NSUN2: variants seen among roughly 807,000 people sequenced by gnomAD.
NSUN2 encodes NOP2/Sun RNA methyltransferase 2.
NSUN2 carries 63 observed loss-of-function variants against 92.7 expected under a neutral mutation model. The ratio of observed to expected loss-of-function variants is 0.68; its 90% CI spans 0.56 to 0.84. The LOEUF (loss-of-function observed/expected upper bound fraction) is 0.84. NSUN2 is among the 40% of genes least tolerant of loss of function. NSUN2 has a pLI of 0.00. For synonymous variants in NSUN2, 356 were observed against 348.3 expected, an observed-to-expected ratio of 1.02 and a Z score of -0.25; for missense variants, 989 against 964.9, an observed-to-expected ratio of 1.02 and a Z score of -0.33.
rs1472338668 is a variant in NSUN2, at chr5:6,631,965, C to G, written c.267G>C (p.Glu89Asp). ...ATTTGTTCTTTAAGCAATGGAGAAT[C>G]TCTTTTGCGTGGCTATTGAAAAATA... ...RITGYKSHAK[E>D]ILHCLKNKYF... The change falls in exon 3 of 19, where the codon GAG becomes GAC. Residue 89 changes from glutamate (E) to aspartate (D), a missense_variant. By Grantham distance (45) the Glu-to-Asp change is conservative. Coordinates refer to ENST00000264670, the MANE Select transcript of NSUN2 (RefSeq NM_017755.6). The G allele has an allele frequency of 2.5e-6, 4 of 1,612,544 alleles. No individual in the cohort carries two copies. The highest frequency in any genetic ancestry group is 3.4e-6 in the Non-Finnish European group (4 of 1,179,174).
chr5:6,615,017 G>A (rs1737152079), intron 9 of NSUN2, among the ~76,000 whole-genome samples: 3 of 152,108 alleles, frequency 2.0e-5, no homozygotes, highest in Non-Finnish European at 2.9e-5. Context: ...AGACTTAGGA[G>A]AGTAGCAAAT....
At chr5:6,629,928 T>C (rs1737807548) in intron 3 of NSUN2, among the ~76,000 whole-genome samples, 1 of 152,216 alleles carries the variant, frequency 6.6e-6, no homozygotes, top group African/African-American at 2.4e-5. Flanking sequence ...TCCCCGGCGA[T>C]GTGGAAATGT....
chr5:6,623,131 G>GAAAAA (rs1221313256), intron 5 of NSUN2, 83 bp downstream of exon 5: 4 of 1,174,372 alleles, frequency 3.4e-6, no homozygotes, highest in Admixed American at 5.1e-5. Context: ...ATTATATTAA[G>GAAAAA]AAAAAATGGT....
At chr5:6,623,140 G>T (rs558791074) in intron 5 of NSUN2, 74 bp downstream of exon 5, 1 of 1,303,284 alleles carries the variant, frequency 7.7e-7, no homozygotes, top group East Asian at 2.4e-5. Context: ...AGAAAAAATG[G>T]TTTCATCAAA....
chr5:6,603,178 T>C (rs557223060), intron 17 of NSUN2, among the ~76,000 whole-genome samples: 2 of 152,200 alleles, frequency 1.3e-5, no homozygotes, highest in Non-Finnish European at 2.9e-5. Flanking sequence ...GAAAGAAAAT[T>C]AGAACAGCTT....
intron 11 of NSUN2, among the ~76,000 whole-genome samples, chr5:6,610,358 T>C (rs1736937399): frequency 6.6e-6 from 1 of 151,826 alleles, no homozygotes; most frequent in Admixed American, 6.6e-5. Flanking sequence ...GATTACAGGA[T>C]TGGGCCACTG....
At position 6,604,473 on chromosome 5, in the gene NSUN2, G is replaced by A. The variant is rs578063368; in HGVS notation, c.1818+132C>T. On this transcript the variant is annotated intron_variant, in intron 16 of 18. Coordinates refer to ENST00000264670, the MANE Select transcript of NSUN2 (RefSeq NM_017755.6). ...TCTGGGAGAGCTCTATAACCTGTGA[G>A]GGTCAAGTGGCTGGTAGGTGCCAGC... is the stretch of plus-strand genomic sequence containing the variant. The A allele has an allele frequency of 7.3e-6, 7 of 963,738 alleles. No individual in the cohort carries two copies. The South Asian group carries it at 8.6e-5, about 12-fold the overall frequency. The allele number at this position is 963,738 out of a possible 1,614,324, so 59.7% of individuals were successfully genotyped here.
intron 13 of NSUN2, 78 bp from the exon 14 acceptor site, chr5:6,606,990 T>G: frequency 9.9e-6 from 10 of 1,006,158 alleles, no homozygotes; most frequent in Non-Finnish European, 1.5e-5. Flanking sequence ...ATTCTTCCTT[T>G]CTGTCAGTTC....
chr5:6,608,857 ATACTT>A (rs1736881443), intron 12 of NSUN2, among the ~76,000 whole-genome samples: 1 of 152,242 alleles, frequency 6.6e-6, no homozygotes, highest in Non-Finnish European at 1.5e-5. Context: ...AAAGTATCTA[ATACTT>A]TACAATATAA....
At chr5:6,623,318 G>GTA in intron 4 of NSUN2, 33 bp from the exon 5 acceptor site, 22 of 1,385,648 alleles carry the variant, frequency 1.6e-5, no homozygotes, top group African/African-American at 5.8e-5. Flanking sequence ...GCAACAATTA[G>GTA]GAAAAAAAAA....
In NSUN2 at chr5:6,616,860, A is replaced by G. The variant is rs765461729; in HGVS notation, c.891-3T>C. 1.9e-4 allele frequency: 305 copies of G among 1,611,672 alleles called. No homozygotes were observed. The highest frequency in any genetic ancestry group is 2.5e-4 in the Non-Finnish European group (296 of 1,178,796). ...GTGTTGCAATCCGCAGCTGTAAGCT[A>G]AGGGGAGATATCAGATGACTGCAAG... On this transcript the variant is annotated splice_polypyrimidine_tract_variant and splice_region_variant and intron_variant, in intron 8 of 18. Transcript: ENST00000264670.
At chr5:6,607,418 G>A (rs756028721) in intron 12 of NSUN2, 34 bp from the exon 13 acceptor site, 40 of 1,572,710 alleles carry the variant, frequency 2.5e-5, no homozygotes, top group Non-Finnish European at 3.5e-5. Context: ...GACACACAAA[G>A]AGGAGCATTC....
Position 6,600,131 on chromosome 5 carries a change from C to T in NSUN2, c.2099G>A (p.Arg700Lys), listed in dbSNP as rs772282004. 2.5e-5 allele frequency: 41 copies of T among 1,614,068 alleles called. 2 individuals are homozygous for T. The South Asian group carries it at 4.5e-4, about 18-fold the overall frequency. ...VPKNERLHYL[R>K]MMGLEVLGEK... Reference sequence around the variant, plus strand: ...TCCCAATACCTCCAGCCCCATCATCCTGAGATAATGAAGCCGTTCATTCTT... The same window carrying T: ...TCCCAATACCTCCAGCCCCATCATCTTGAGATAATGAAGCCGTTCATTCTT... Residue 700 changes from arginine to lysine, a missense_variant, in exon 19 of 19, where the codon AGG (arginine) becomes AAG (lysine). Arg to Lys is a conservative substitution (Grantham distance 26). This residue lies in a region of NSUN2 where 626 missense variants were observed against 602.3 expected (regional missense o/e 1.04). Coordinates refer to ENST00000264670, the MANE Select transcript of NSUN2 (RefSeq NM_017755.6).
At position 6,620,346 on chromosome 5, in the gene NSUN2, A is replaced by G. The variant is rs2288446; in HGVS notation, c.623-48T>C. ...TCAGGTGAAATGGAGCCTAAGTGGA[A>G]TCACATCCTGAAATATGCGACCTCC... is the stretch of plus-strand genomic sequence containing the variant. On this transcript the variant is annotated intron_variant, in intron 6 of 18. Transcript: ENST00000264670. The G allele has an allele frequency of 0.68, 961,123 of 1,409,528 alleles. 329,708 individuals are homozygous for G. The highest frequency in any genetic ancestry group is 0.74 in the Middle Eastern group (3,003 of 4,034). 87.3% of individuals were successfully genotyped at this position (1,409,528 alleles called of 1,614,324 possible). A position where few individuals can be genotyped will look rare whatever the true frequency, so the allele number is the denominator to read the frequency against.
At chr5:6,630,701 T>G (rs1362723769) in intron 3 of NSUN2, among the ~76,000 whole-genome samples, 1 of 152,196 alleles carries the variant, frequency 6.6e-6, no homozygotes, top group African/African-American at 2.4e-5. Flanking sequence ...ACCCCATGAT[T>G]AATGAAAATC....
intron 4 of NSUN2, among the ~76,000 whole-genome samples, chr5:6,624,859 TC>T (rs1400271518): frequency 2.6e-5 from 4 of 151,888 alleles, no homozygotes; most frequent in Non-Finnish European, 4.4e-5. Flanking sequence ...GACTAAGAAT[TC>T]CAAAAAAAAT....
At position 6,607,221 on chromosome 5, in the gene NSUN2, C is replaced by A; in HGVS notation, c.1487G>T (p.Ser496Ile). Residue 496 changes from serine to isoleucine, a missense_variant, in exon 13 of 19, where the codon AGT (serine) becomes ATT (isoleucine). By Grantham distance (142) the Ser-to-Ile change is moderately radical. Around this residue, in one of 3 missense-constraint regions of NSUN2, gnomAD observed 626 missense variants for 602.3 expected, o/e 1.04. Coordinates refer to ENST00000264670, the MANE Select transcript of NSUN2 (RefSeq NM_017755.6). ...HATEDLENNGSKKDGVCGPPP... is the reference protein window; with the variant it reads ...HATEDLENNGIKKDGVCGPPP... ...TTACCCACACACGCCATCTTTCTTA[C>A]TGCCATTATTCTCTAAATCCTCAGT... 6.2e-7 allele frequency: 1 copy of A among 1,614,210 alleles called. No homozygotes were observed. Among genetic ancestry groups the A allele is most frequent in the Middle Eastern group, 1.6e-4 (1 of 6,062 alleles).
chr5:6,629,070 T>C (rs529208164), intron 3 of NSUN2, among the ~76,000 whole-genome samples: 2 of 152,220 alleles, frequency 1.3e-5, no homozygotes, highest in South Asian at 2.1e-4. Flanking sequence ...GAAACCATCA[T>C]TGATAATGGA....
intron 7 of NSUN2, 118 bp from the exon 8 acceptor site, chr5:6,618,142 C>T (rs1737291814): frequency 1.5e-6 from 1 of 656,584 alleles, no homozygotes; most frequent in African/African-American, 1.8e-5. Flanking sequence ...AGTTAGGAAA[C>T]AATCTCCATT....
Sources: allele counts gnomAD v4.1 joint callset (sites outside exome capture counted in the v4.1 genomes callset), GRCh38; gene constraint gnomAD v4.1.1; regional missense constraint gnomAD v4.1.1; transcripts MANE v1.5; gene names NCBI Gene and HGNC (gene_info 2026-07-23, HGNC 2026-07-21).